The following SNTA1 variants were observed in gnomAD, a reference collection of about 807,000 sequenced individuals.
SNTA1 encodes syntrophin alpha 1.
A neutral mutation model predicts 47.1 loss-of-function variants in SNTA1; 31 were observed. The observed-to-expected ratio is 0.66, with a 90% confidence interval of 0.49 to 0.89. The LOEUF (loss-of-function observed/expected upper bound fraction) is 0.89, where lower values mean the gene tolerates loss of function less well. Ranked by LOEUF, SNTA1 falls within the 40% of genes least tolerant of loss-of-function variation. The pLI, the probability that SNTA1 is intolerant of heterozygous loss-of-function variation, is 0.00. For synonymous variants in SNTA1, 300 were observed against 313.6 expected, an observed-to-expected ratio of 0.96 and a Z score of 0.46; for missense variants, 575 against 693.0, an observed-to-expected ratio of 0.83 and a Z score of 1.91.
intron 5 of SNTA1, among the ~76,000 whole-genome samples, chr20:33,411,543 C>T (rs1989740943): frequency 6.6e-6 from 1 of 152,212 alleles, no homozygotes; most frequent in Admixed American, 6.5e-5. Context: ...AGCACCTCCC[C>T]ACTTCCATCC....
intron 1 of SNTA1, 59 bp from the exon 2 acceptor site, chr20:33,439,085 C>T (rs552052434): frequency 2.9e-5 from 41 of 1,437,322 alleles, no homozygotes; most frequent in Non-Finnish European, 3.6e-5. Context: ...TTGGGAGTCA[C>T]ATCAAGACAC....
rs369944334 is a variant in SNTA1, at chr20:33,414,554, A to G, written c.702-1772T>C. Among the ~76,000 whole-genome samples, 4 of 152,284 alleles carry G rather than the reference A, an allele frequency of 2.6e-5. No individual in the cohort carries two copies. The South Asian group carries it at 8.3e-4, about 32-fold the overall frequency. The stretch of plus-strand genomic sequence containing the variant: ...GGTTGCAGTGAGCTGAGATCACACC[A>G]CTGCACTCCAGCCTGGGTGACAGAG... On this transcript the variant is annotated intron_variant, in intron 3 of 7. Transcript: ENST00000217381.
intron 2 of SNTA1, among the ~76,000 whole-genome samples, chr20:33,424,279 A>G (rs1050175745): frequency 2.9e-4 from 43 of 150,408 alleles, no homozygotes; most frequent in African/African-American, 1.0e-3. Flanking sequence ...GTACCATTGC[A>G]CTCCAGCCTG....
At chr20:33,415,567 G>A (rs1456330584) in intron 3 of SNTA1, among the ~76,000 whole-genome samples, 2 of 151,766 alleles carry the variant, frequency 1.3e-5, no homozygotes, top group Admixed American at 6.6e-5. Context: ...CAGAATGCCT[G>A]AGCTCAAGAG....
chr20:33,412,202 G>A (rs2146761608), intron 5 of SNTA1, 94 bp downstream of exon 5: 1 of 1,378,220 alleles, frequency 7.3e-7, no homozygotes, highest in Non-Finnish European at 9.9e-7. Context: ...AATAGCTGAG[G>A]GTGGACAGGG....
intron 3 of SNTA1, among the ~76,000 whole-genome samples, chr20:33,415,860 G>A (rs954608832): frequency 1.3e-5 from 2 of 151,752 alleles, no homozygotes; most frequent in African/African-American, 2.4e-5. Context: ...TGTAATCCTA[G>A]CACTTCAGGA....
At chr20:33,416,106 T>TCAAAAA (rs1302664431) in intron 3 of SNTA1, among the ~76,000 whole-genome samples, 1 of 152,172 alleles carries the variant, frequency 6.6e-6, no homozygotes, top group East Asian at 1.9e-4. Context: ...ATACTCCGTC[T>TCAAAAA]CAAAAACAAA....
intron 3 of SNTA1, among the ~76,000 whole-genome samples, chr20:33,417,161 C>T (rs183642233): frequency 6.6e-5 from 10 of 152,138 alleles, no homozygotes; most frequent in East Asian, 3.9e-4. Flanking sequence ...AATAATAGGA[C>T]TTTGCCCATT....
chr20:33,410,859 A>G (rs1027218914), intron 5 of SNTA1, among the ~76,000 whole-genome samples: 5 of 152,214 alleles, frequency 3.3e-5, no homozygotes, highest in Non-Finnish European at 7.3e-5. Context: ...CTGTATTCCC[A>G]GTAACTAAAA....
intron 2 of SNTA1, among the ~76,000 whole-genome samples, chr20:33,428,795 G>GT (rs1361774850): frequency 3.3e-5 from 5 of 151,996 alleles, no homozygotes; most frequent in African/African-American, 4.8e-5. Context: ...AATTCCAGCA[G>GT]TCTGGGAGGC....
At position 33,412,615 on chromosome 20, in the gene SNTA1, C is replaced by T. The variant is rs561768315; in HGVS notation, c.869G>A (p.Gly290Glu). 21 of 1,613,926 alleles carry T rather than the reference C, an allele frequency of 1.3e-5. No individual in the cohort carries two copies. Among genetic ancestry groups the T allele is most frequent in the African/African-American group, 1.2e-4 (9 of 75,028 alleles). Residue 290 changes from glycine to glutamate, a missense_variant, in exon 4 of 8, where the codon GGG becomes GAG. By Grantham distance (98) the Gly-to-Glu change is moderately conservative (BLOSUM62 -2). Coordinates refer to ENST00000217381, the MANE Select transcript of SNTA1 (RefSeq NM_003098.3). ...QALLAATSTA[G>E]SQDIKQIGWL... ...GCCAATCTGCTTGATGTCCTGGCTC[C>T]CAGCTGTGCTGGTGGCTGCCAACAG... is the stretch of plus-strand genomic sequence containing the variant.
intron 2 of SNTA1, among the ~76,000 whole-genome samples, chr20:33,425,152 C>T (rs1316705805): frequency 2.6e-5 from 4 of 152,022 alleles, no homozygotes; most frequent in Non-Finnish European, 4.4e-5. Flanking sequence ...TAGAGCACAC[C>T]TGTAGCCCCA....
At chr20:33,437,639 T>C (rs1311210544) in intron 2 of SNTA1, among the ~76,000 whole-genome samples, 1 of 152,128 alleles carries the variant, frequency 6.6e-6, no homozygotes, top group African/African-American at 2.4e-5. Flanking sequence ...GATTTGGGCC[T>C]GGGACTCAAC....
intron 2 of SNTA1, among the ~76,000 whole-genome samples, chr20:33,418,885 G>A (rs1183118467): frequency 6.6e-6 from 1 of 150,848 alleles, no homozygotes; most frequent in Admixed American, 6.6e-5. Flanking sequence ...GGCCAAGGCA[G>A]TGTGGATCAC....
At position 33,408,435 on chromosome 20, in the gene SNTA1, G is replaced by T; in HGVS notation, c.*72C>A. On this transcript the variant is annotated 3_prime_UTR_variant, in exon 8 of 8. Coordinates refer to ENST00000217381, the MANE Select transcript of SNTA1 (RefSeq NM_003098.3). ...CCTTCCCTCAGCCCAGGGGTGAGCA[G>T]GCAGTCGGTGGAGGCCCAGCTCAGG... The T allele has an allele frequency of 1.8e-6, 2 of 1,086,602 alleles. No individual in the cohort carries two copies. Among genetic ancestry groups the T allele is most frequent in the Non-Finnish European group, 2.8e-6 (2 of 706,248 alleles). The allele number at this position is 1,086,602 out of a possible 1,614,324, so 67.3% of individuals were successfully genotyped here.
At chr20:33,417,227 G>C (rs1184453176) in intron 3 of SNTA1, among the ~76,000 whole-genome samples, 5 of 152,162 alleles carry the variant, frequency 3.3e-5, no homozygotes. Context: ...ACACAGTGCT[G>C]GGTACACAGT....
chr20:33,434,767 G>C (rs1427902286), intron 2 of SNTA1, among the ~76,000 whole-genome samples: 2 of 151,566 alleles, frequency 1.3e-5, no homozygotes, highest in African/African-American at 4.9e-5. Flanking sequence ...CGAACTCCTG[G>C]GCTCAAGTGA....
chr20:33,431,738 G>A (rs1311470788), intron 2 of SNTA1, among the ~76,000 whole-genome samples: 4 of 152,142 alleles, frequency 2.6e-5, no homozygotes, highest in Non-Finnish European at 5.9e-5. Context: ...AATGGAGCGA[G>A]ACTCCATCTC....
At chr20:33,409,512 T>C (rs1989685135) in intron 6 of SNTA1, among the ~76,000 whole-genome samples, 1 of 152,002 alleles carries the variant, frequency 6.6e-6, no homozygotes. Context: ...CAGGCTGGAG[T>C]GCAGTGGGCG....
Sources: allele counts gnomAD v4.1 joint callset (sites outside exome capture counted in the v4.1 genomes callset), GRCh38; gene constraint gnomAD v4.1.1; transcripts MANE v1.5; gene names NCBI Gene and HGNC (gene_info 2026-07-23, HGNC 2026-07-21).